The following SOX5 variants were observed in gnomAD, a reference collection of about 807,000 sequenced individuals.
The protein encoded by SOX5 is SRY-box transcription factor 5, also known as transcription factor SOX-5.
SOX5 carries 9 observed loss-of-function variants against 92.0 expected under a neutral mutation model. The ratio of observed to expected loss-of-function variants is 0.10; its 90% CI spans 0.06 to 0.17. The LOEUF is 0.17. Ranked by LOEUF, SOX5 falls within the 10% of genes least tolerant of loss-of-function variation. The pLI, the probability that SOX5 is intolerant of heterozygous loss-of-function variation, is 1.00. For missense variants in SOX5, 642 were observed against 944.5 expected (o/e 0.68, Z 4.20); for synonymous variants, 344 against 336.3 (o/e 1.02, Z -0.25).
chr12:24,056,848 G>C (rs936765624), intron 4 of SOX5, among the ~76,000 whole-genome samples: 2 of 148,112 alleles, frequency 1.4e-5, no homozygotes, highest in African/African-American at 5.0e-5. Flanking sequence ...AGTGGCGGGC[G>C]CCTGTAGTCC....
rs1965205446 is a variant in SOX5, at chr12:24,239,728, C to T, written c.-76-26311G>A. Among the ~76,000 whole-genome samples the T allele has an allele frequency of 2.6e-5, 4 of 152,156 alleles. No individual in the cohort carries two copies. The South Asian group carries it at 8.3e-4, about 31-fold the overall frequency. On this transcript the variant is annotated intron_variant, in intron 3 of 4. Coordinates refer to the SOX5 transcript ENST00000446891. ...CACCCAGAAGTGAAAGTGGAATTCA[C>T]TTGTTAAAGACAAGAAAACAAAAGT...
chr12:24,037,570 A>G (rs1164181644), intron 4 of SOX5, among the ~76,000 whole-genome samples: 2 of 152,172 alleles, frequency 1.3e-5, no homozygotes, highest in African/African-American at 4.8e-5. Flanking sequence ...GGGTAAGGAG[A>G]CTGGCAAATA....
chr12:23,772,776 C>T (rs979431775), intron 3 of SOX5, among the ~76,000 whole-genome samples: 25 of 152,090 alleles, frequency 1.6e-4, no homozygotes, highest in Non-Finnish European at 3.5e-4. Flanking sequence ...ATGACTTTCT[C>T]TAAGTGAGGT....
Position 24,432,064 on chromosome 12 carries a change from G to C in SOX5, c.-250-63425C>G, listed in dbSNP as rs78683930. Among the ~76,000 whole-genome samples the C allele has an allele frequency of 4.6e-3, 704 of 152,194 alleles. 11 individuals are homozygous for C. In the East Asian group the frequency reaches 0.051, roughly 11 times the overall value. ...CTCATGACAGTGTCACCCCACCTCA[G>C]GAATCCCAAAGATTGGCAGACTGGG... On this transcript the variant is annotated intron_variant, in intron 1 of 4. Transcript: ENST00000446891.
chr12:24,467,749 CAG>C (rs1944379134), intron 1 of SOX5, among the ~76,000 whole-genome samples: 1 of 152,016 alleles, frequency 6.6e-6, no homozygotes, highest in Admixed American at 6.6e-5. Flanking sequence ...GTCTCACCAA[CAG>C]AGTGTCCAAG....
At chr12:23,856,201 G>A (rs2096687294) in intron 2 of SOX5, among the ~76,000 whole-genome samples, 1 of 152,086 alleles carries the variant, frequency 6.6e-6, no homozygotes, top group South Asian at 2.1e-4. Flanking sequence ...CAATCACTGA[G>A]ATAGTCGTTC....
At chr12:23,839,499 T>C (rs1417949260) in intron 3 of SOX5, among the ~76,000 whole-genome samples, 1 of 152,192 alleles carries the variant, frequency 6.6e-6, no homozygotes, top group African/African-American at 2.4e-5. Context: ...TAACTCATTC[T>C]ATGAAGCTGG....
At chr12:24,114,117 T>C (rs1472174995) in intron 4 of SOX5, among the ~76,000 whole-genome samples, 3 of 152,182 alleles carry the variant, frequency 2.0e-5, no homozygotes, top group Non-Finnish European at 4.4e-5. Context: ...TGTCAAGATA[T>C]GTAGACATCA....
intron 4 of SOX5, among the ~76,000 whole-genome samples, chr12:23,960,528 T>TATATATTTATATACATATATATATATAC (rs1569275005): frequency 9.2e-5 from 6 of 65,236 alleles, no homozygotes; most frequent in African/African-American, 2.7e-4. Flanking sequence ...TATATATATA[T>TATATATTTATATACATATATATATATAC]ACATATATAT....
chr12:23,817,594 A>C (rs969416794), intron 3 of SOX5, among the ~76,000 whole-genome samples: 1 of 152,224 alleles, frequency 6.6e-6, no homozygotes, highest in African/African-American at 2.4e-5. Flanking sequence ...TTTTTGCATA[A>C]GCACTTAAAG....
intron 4 of SOX5, among the ~76,000 whole-genome samples, chr12:24,159,256 T>C (rs1031516465): frequency 6.6e-6 from 1 of 151,908 alleles, no homozygotes; most frequent in Non-Finnish European, 1.5e-5. Flanking sequence ...ACTATTACAA[T>C]GTGTCAGGCT....
intron 3 of SOX5, among the ~76,000 whole-genome samples, chr12:23,833,712 G>GA (rs1431527596): frequency 2.0e-5 from 3 of 151,614 alleles, no homozygotes; most frequent in Non-Finnish European, 4.4e-5. Context: ...CTAAGTCACA[G>GA]AAAAAAATGA....
intron 3 of SOX5, chr12:24,227,541 T>C (rs559188699): frequency 1.3e-5 from 2 of 152,330 alleles, no homozygotes; most frequent in South Asian, 2.1e-4. Flanking sequence ...TGACTGTTAA[T>C]ACCAGGTTTT....
intron 2 of SOX5, among the ~76,000 whole-genome samples, chr12:24,332,687 G>C (rs1040636987): frequency 6.6e-6 from 1 of 152,142 alleles, no homozygotes; most frequent in African/African-American, 2.4e-5. Flanking sequence ...ATTTTATTGA[G>C]AGTTACTAAC....
chr12:24,031,885 T>C (rs1047125310), intron 4 of SOX5, among the ~76,000 whole-genome samples: 1 of 151,798 alleles, frequency 6.6e-6, no homozygotes, highest in African/African-American at 2.4e-5. Context: ...TGTAATTTTA[T>C]CCATAAGAGA....
intron 3 of SOX5, among the ~76,000 whole-genome samples, chr12:24,213,980 G>C (rs11047316): frequency 0.015 from 2,200 of 151,666 alleles, 52 homozygotes; most frequent in African/African-American, 0.05. Flanking sequence ...ATATTACTTA[G>C]AGCTACAATA....
intron 4 of SOX5, among the ~76,000 whole-genome samples, chr12:24,048,847 T>C (rs1957284470): frequency 6.6e-6 from 1 of 152,304 alleles, no homozygotes; most frequent in African/African-American, 2.4e-5. Flanking sequence ...TGATTGCCTA[T>C]GGCTGTTAGT....
intron 1 of SOX5, among the ~76,000 whole-genome samples, chr12:24,424,633 C>T (rs1250258488): frequency 6.6e-6 from 1 of 152,094 alleles, no homozygotes; most frequent in African/African-American, 2.4e-5. Flanking sequence ...TTGTAACGAC[C>T]TCTGCACTCT....
intron 1 of SOX5, among the ~76,000 whole-genome samples, chr12:24,468,236 G>A (rs1014496689): frequency 2.0e-5 from 3 of 152,156 alleles, no homozygotes; most frequent in African/African-American, 7.2e-5. Flanking sequence ...CAGGTTGCTT[G>A]GAATCAAAGC....
Sources: gnomAD v4.1 joint callset for allele counts (sites outside exome capture counted in the v4.1 genomes callset) on GRCh38, gnomAD v4.1.1 for gene constraint, MANE v1.5 for transcripts, NCBI Gene and HGNC (gene_info 2026-07-23, HGNC 2026-07-21) for gene names.